Variants in RYR2 observed in about 807,000 individuals in gnomAD.
RYR2 encodes the protein ryanodine receptor 2.
A neutral mutation model predicts 601.1 loss-of-function variants in RYR2; 227 were observed. The ratio of observed to expected loss-of-function variants is 0.38; its 90% CI spans 0.34 to 0.42. The LOEUF is 0.42. Among genes scored for constraint, RYR2 ranks in the 10% least tolerant of loss-of-function variants. The pLI, the probability that RYR2 is intolerant of heterozygous loss-of-function variation, is 1.00. For missense variants in RYR2, 4,646 were observed against 6,156.5 expected, an observed-to-expected ratio of 0.75 and a Z score of 8.21; for synonymous variants, 2,223 against 2,175.1, an observed-to-expected ratio of 1.02 and a Z score of -0.61.
In RYR2 at chr1:237,059,879, A is replaced by G. The variant is rs951504947; in HGVS notation, c.48+17310A>G. ...GTGTATTCTTTCATTCAGCAAAGAT[A>G]TATATACTCACTACCTCCTGTGTGT... On this transcript the variant is annotated intron_variant, in intron 1 of 104. Coordinates refer to ENST00000366574, the MANE Select transcript of RYR2 (RefSeq NM_001035.3). 2.6e-5 allele frequency among the ~76,000 whole-genome samples: 4 copies of G among 152,180 alleles called. No individual in the cohort carries two copies. The South Asian group carries it at 6.2e-4, about 24-fold the overall frequency.
chr1:237,573,302 A>G (rs180919500), intron 29 of RYR2, among the ~76,000 whole-genome samples: 1 of 152,012 alleles, frequency 6.6e-6, no homozygotes, highest in Admixed American at 6.5e-5. Context: ...ACACACAGAC[A>G]CATGCTGTAG....
At chr1:237,762,732 A>G (rs1275799342) in intron 84 of RYR2, among the ~76,000 whole-genome samples, 2 of 152,236 alleles carry the variant, frequency 1.3e-5, no homozygotes, top group Admixed American at 6.5e-5. Flanking sequence ...TAACTTGTGC[A>G]TTCTTTTTCA....
At chr1:237,306,868 G>A (rs923133059) in intron 2 of RYR2, among the ~76,000 whole-genome samples, 7 of 152,250 alleles carry the variant, frequency 4.6e-5, no homozygotes, top group Admixed American at 1.3e-4. Flanking sequence ...GGCCTTCTGA[G>A]TTTCAGTTCA....
intron 80 of RYR2, chr1:237,755,035 A>G (rs1224047451): frequency 7.8e-7 from 1 of 1,280,358 alleles, no homozygotes; most frequent in Non-Finnish European, 1.0e-6. Context: ...TGACAAAAAA[A>G]ACCCTGATCA....
intron 86 of RYR2, 37 bp downstream of exon 86, chr1:237,772,137 G>T (rs779778116): frequency 4.5e-5 from 51 of 1,125,618 alleles, no homozygotes; most frequent in Admixed American, 1.6e-4. Context: ...AATTAAAAGG[G>T]TTGGTATGTT....
intron 1 of RYR2, among the ~76,000 whole-genome samples, chr1:237,255,654 C>A (rs947651503): frequency 1.2e-4 from 19 of 152,026 alleles, no homozygotes; most frequent in African/African-American, 3.9e-4. Flanking sequence ...ATTTTGAAAT[C>A]AAATTTCACT....
chr1:237,361,005 T>C (rs1699741456), intron 4 of RYR2, among the ~76,000 whole-genome samples: 1 of 152,148 alleles, frequency 6.6e-6, no homozygotes, highest in Non-Finnish European at 1.5e-5. Context: ...CATGCCTGGC[T>C]AACTTTTTAA....
intron 55 of RYR2, among the ~76,000 whole-genome samples, chr1:237,660,345 C>T (rs1683661171): frequency 6.6e-6 from 1 of 151,630 alleles, no homozygotes; most frequent in Non-Finnish European, 1.5e-5. Context: ...TTTTTAAGTA[C>T]TTTAAAAAAT....
chr1:237,608,028 A>G (rs916647617), intron 35 of RYR2, among the ~76,000 whole-genome samples: 4 of 152,246 alleles, frequency 2.6e-5, no homozygotes, highest in African/African-American at 9.6e-5. Context: ...ACACATATGT[A>G]TACACCATTG....
chr1:237,603,231 G>A (rs1209388917), intron 35 of RYR2, among the ~76,000 whole-genome samples: 2 of 152,162 alleles, frequency 1.3e-5, no homozygotes, highest in Admixed American at 6.5e-5. Flanking sequence ...CAAGGGAACG[G>A]GCTTGGTGGA....
chr1:237,247,493 G>A (rs1355170017), intron 1 of RYR2, among the ~76,000 whole-genome samples: 3 of 152,168 alleles, frequency 2.0e-5, no homozygotes, highest in Non-Finnish European at 4.4e-5. Flanking sequence ...CCACTCAGAT[G>A]TCATGGACCT....
intron 68 of RYR2, 65 bp downstream of exon 68, chr1:237,707,334 C>T: frequency 1.2e-6 from 1 of 823,688 alleles, no homozygotes. Context: ...ATTTTAAATA[C>T]ATAAACTAGA....
At chr1:237,392,980 A>G (rs1702510146) in intron 10 of RYR2, among the ~76,000 whole-genome samples, 1 of 152,166 alleles carries the variant, frequency 6.6e-6, no homozygotes, top group Non-Finnish European at 1.5e-5. Context: ...TGCGGCAATA[A>G]ATACGTTTAT....
chr1:237,632,968 G>A (rs1284676446), intron 42 of RYR2, among the ~76,000 whole-genome samples: 1 of 152,038 alleles, frequency 6.6e-6, no homozygotes, highest in Non-Finnish European at 1.5e-5. Context: ...AGTATCTGGG[G>A]TAAACTATGA....
At chr1:237,357,092 C>G (rs187520677) in intron 4 of RYR2, among the ~76,000 whole-genome samples, 361 of 151,812 alleles carry the variant, frequency 2.4e-3, no homozygotes, top group Non-Finnish European at 3.9e-3. Context: ...GACAAGGAAA[C>G]TTGTTTTTTA....
chr1:237,456,956 C>G (rs536200996), intron 16 of RYR2, among the ~76,000 whole-genome samples: 9 of 152,024 alleles, frequency 5.9e-5, no homozygotes, highest in African/African-American at 2.2e-4. Flanking sequence ...AAAAAAATCA[C>G]ATAATAGCTA....
chr1:237,547,916 A>G (rs1267590727), intron 25 of RYR2, among the ~76,000 whole-genome samples: 1 of 152,186 alleles, frequency 6.6e-6, no homozygotes, highest in Admixed American at 6.5e-5. Flanking sequence ...TTCCTAAATA[A>G]CGTAACTAGG....
intron 12 of RYR2, among the ~76,000 whole-genome samples, chr1:237,436,493 G>T (rs1382695187): frequency 1.8e-5 from 1 of 56,178 alleles, no homozygotes; most frequent in Non-Finnish European, 3.4e-5. Flanking sequence ...TTCTGTCCTG[G>T]AAGGGCTAAC....
intron 2 of RYR2, among the ~76,000 whole-genome samples, chr1:237,302,104 A>G (rs1693411003): frequency 6.6e-6 from 1 of 152,172 alleles, no homozygotes; most frequent in Non-Finnish European, 1.5e-5. Flanking sequence ...TTATTGCAAT[A>G]TGTGTTTTCA....
Sources: allele counts gnomAD v4.1 joint callset (sites outside exome capture counted in the v4.1 genomes callset), GRCh38; gene constraint gnomAD v4.1.1; transcripts MANE v1.5; gene names NCBI Gene and HGNC (gene_info 2026-07-23, HGNC 2026-07-21).